USP45: variants seen among roughly 807,000 people sequenced by gnomAD.
USP45 encodes ubiquitin carboxyl-terminal hydrolase 45.
Under a neutral mutation model 95.8 loss-of-function variants are expected in USP45, and 89 were observed. The observed-to-expected ratio is 0.93, with a 90% CI of 0.78 to 1.11. The LOEUF is 1.11. Among genes scored for constraint, USP45 ranks in the 50% least tolerant of loss-of-function variants. The pLI is 0.00. For synonymous variants in USP45, 281 were observed against 316.2 expected (o/e 0.89, Z 1.18); for missense variants, 898 against 942.5 (o/e 0.95, Z 0.62).
In USP45 at chr6:99,515,372, G is replaced by C. The variant is rs1800973895; in HGVS notation, c.-11+20C>G. 6.6e-6 allele frequency: 1 copy of C among 152,274 alleles called. No homozygotes were observed. Among genetic ancestry groups the C allele is most frequent in the Non-Finnish European group, 1.5e-5 (1 of 68,086 alleles). The allele number at this position is 152,274 out of a possible 1,614,324, so 9.4% of individuals were successfully genotyped here. ...CGACCATACCGCCGCTGCGACCAAA[G>C]CGCCGCGTTCTCAACTCACCCCGCC... is the stretch of plus-strand genomic sequence containing the variant. On this transcript the variant is annotated intron_variant, in intron 1 of 17. Coordinates refer to ENST00000500704, the MANE Select transcript of USP45 (RefSeq NM_001346022.3).
chr6:99,469,467 A>G (rs1187029411), intron 9 of USP45, among the ~76,000 whole-genome samples: 3 of 113,620 alleles, frequency 2.6e-5, no homozygotes, highest in Non-Finnish European at 5.2e-5. Flanking sequence ...ATTAATATAT[A>G]TATAATATAT....
At chr6:99,474,656 C>A (rs1790355698) in intron 9 of USP45, among the ~76,000 whole-genome samples, 1 of 152,140 alleles carries the variant, frequency 6.6e-6, no homozygotes, top group African/African-American at 2.4e-5. Context: ...CCTATTACTC[C>A]AATTATGACT....
chr6:99,453,998 A>G (rs1784470919), intron 13 of USP45, among the ~76,000 whole-genome samples: 1 of 152,218 alleles, frequency 6.6e-6, no homozygotes, highest in South Asian at 2.1e-4. Context: ...TAGAACCAAA[A>G]AAGAGCCAGA....
intron 12 of USP45, 31 bp from the exon 13 acceptor site, chr6:99,464,778 C>T (rs759790228): frequency 5.2e-6 from 8 of 1,543,694 alleles, no homozygotes; most frequent in African/African-American, 1.4e-5. Context: ...GAAACCAAAA[C>T]CTCTTTAGTA....
intron 4 of USP45, 93 bp from the exon 5 acceptor site, chr6:99,503,958 C>T: frequency 1.2e-6 from 1 of 857,854 alleles, no homozygotes; most frequent in Non-Finnish European, 1.7e-6. Flanking sequence ...TTACTTTTGT[C>T]TTTAAATTAC....
intron 4 of USP45, among the ~76,000 whole-genome samples, chr6:99,504,366 C>T (rs1034048992): frequency 6.6e-6 from 1 of 152,176 alleles, no homozygotes; most frequent in African/African-American, 2.4e-5. Flanking sequence ...TCTCGAATGC[C>T]TGACCTCAAG....
chr6:99,488,382 T>C, intron 6 of USP45, 87 bp from the exon 7 acceptor site: 2 of 865,966 alleles, frequency 2.3e-6, no homozygotes, highest in Non-Finnish European at 1.8e-6. Flanking sequence ...TCATCTAGCA[T>C]AGCAAAAGTG....
At chr6:99,501,869 G>A (rs544072563) in intron 5 of USP45, 26 of 1,222,048 alleles carry the variant, frequency 2.1e-5, no homozygotes, top group Middle Eastern at 2.4e-4. Context: ...CTAAATCCTC[G>A]GAATTTCCAG....
chr6:99,490,316 A>G (rs2128737930), intron 5 of USP45, among the ~76,000 whole-genome samples: 1 of 151,316 alleles, frequency 6.6e-6, no homozygotes, highest in South Asian at 2.1e-4. Flanking sequence ...GGCACCTACT[A>G]CCACACCCAG....
chr6:99,490,720 C>T (rs1347931705), intron 5 of USP45, among the ~76,000 whole-genome samples: 4 of 152,218 alleles, frequency 2.6e-5, no homozygotes, highest in South Asian at 2.1e-4. Context: ...TAGCTTCTTA[C>T]GTCTCTGACA....
Position 99,447,964 on chromosome 6 carries a change from A to G in USP45, c.1309-1501T>C, listed in dbSNP as rs1246095232. ...TGGAGTGGACCTCCAGCAAACTCCA[A>G]CAGACCTGCAGCTGAGGGTCCTGAC... On this transcript the variant is annotated intron_variant, in intron 13 of 17. Coordinates refer to ENST00000500704, the MANE Select transcript of USP45 (RefSeq NM_001346022.3). Among the ~76,000 whole-genome samples the G allele has an allele frequency of 2.0e-5, 3 of 152,368 alleles. No individual in the cohort carries two copies. In the East Asian group the frequency reaches 5.8e-4, roughly 29 times the overall value.
intron 5 of USP45, among the ~76,000 whole-genome samples, chr6:99,489,201 A>G (rs1471106297): frequency 2.0e-5 from 3 of 152,208 alleles, no homozygotes; most frequent in Non-Finnish European, 4.4e-5. Flanking sequence ...AAGATGCAAA[A>G]TGAACCCATA....
Position 99,510,067 on chromosome 6 carries a change from C to A in USP45, c.100+54G>T, listed in dbSNP as rs541173104. 6.1e-5 allele frequency: 83 copies of A among 1,370,318 alleles called. No individual in the cohort carries two copies. In the African/African-American group the frequency reaches 1.2e-3, roughly 19 times the overall value. 84.9% of individuals were successfully genotyped at this position (1,370,318 alleles called of 1,614,324 possible). ...CAAACCCATGTTGTTGAAGGGTCAA[C>A]TGCATTGTTATTTCTTCTCAACACT... On this transcript the variant is annotated intron_variant, in intron 2 of 17. Coordinates refer to ENST00000500704, the MANE Select transcript of USP45 (RefSeq NM_001346022.3).
intron 8 of USP45, among the ~76,000 whole-genome samples, chr6:99,481,207 T>G (rs1203742258): frequency 1.3e-5 from 2 of 152,178 alleles, no homozygotes; most frequent in African/African-American, 4.8e-5. Flanking sequence ...CAAAACTGAG[T>G]AAGTTATACA....
chr6:99,506,411 C>G (rs1253627582), intron 4 of USP45, among the ~76,000 whole-genome samples: 1 of 152,200 alleles, frequency 6.6e-6, no homozygotes, highest in South Asian at 2.1e-4. Context: ...CAGGTTCAAG[C>G]GATTCTCCTG....
Position 99,462,590 on chromosome 6 carries a change from T to C in USP45, c.1308+2014A>G, listed in dbSNP as rs1786737447. 4.1e-6 allele frequency: 4 copies of C among 985,214 alleles called. No individual in the cohort carries two copies. In the African/African-American group the frequency reaches 5.2e-5, roughly 13 times the overall value. The allele number at this position is 985,214 out of a possible 1,614,324, so 61.0% of individuals were successfully genotyped here. ...ATGCTCAAATTGAATTTAACTGTCC[T>C]ATATATCTTATGAAGCAAAATTAGC... On this transcript the variant is annotated intron_variant, in intron 13 of 17. Coordinates refer to ENST00000500704, the MANE Select transcript of USP45 (RefSeq NM_001346022.3).
At chr6:99,466,802 A>T in intron 10 of USP45, 39 bp from the exon 11 acceptor site, 1 of 1,500,082 alleles carries the variant, frequency 6.7e-7, no homozygotes, top group Non-Finnish European at 9.3e-7. Context: ...AAACATGTCA[A>T]CCATCCATCT....
rs528223840 is a variant in USP45, at chr6:99,505,892, C to T, written c.377+1536G>A. 4.6e-5 allele frequency among the ~76,000 whole-genome samples: 7 copies of T among 152,242 alleles called. No individual in the cohort carries two copies. In the East Asian group the frequency reaches 1.4e-3, roughly 29 times the overall value. On this transcript the variant is annotated intron_variant, in intron 4 of 17. Coordinates refer to ENST00000500704, the MANE Select transcript of USP45 (RefSeq NM_001346022.3). ...AGATCTCCCTGAGATTCTGATGCAC[C>T]TAGAGTTTGAGACCACTAAAGTGAA...
intron 14 of USP45, among the ~76,000 whole-genome samples, chr6:99,445,437 C>T (rs890631929): frequency 4.0e-5 from 6 of 150,710 alleles, no homozygotes; most frequent in African/African-American, 9.8e-5. Context: ...GAGCCGAGAT[C>T]GCGCCACTGT....
Sources: gnomAD v4.1 joint callset for allele counts (sites outside exome capture counted in the v4.1 genomes callset) on GRCh38, gnomAD v4.1.1 for gene constraint, MANE v1.5 for transcripts, NCBI Gene and HGNC (gene_info 2026-07-23, HGNC 2026-07-21) for gene names.